Variants in MFHAS1 observed in about 807,000 individuals in gnomAD.
MFHAS1 encodes the protein malignant fibrous histiocytoma-amplified sequence 1.
Under a neutral mutation model 70.4 loss-of-function variants are expected in MFHAS1, and 50 were observed. That is an observed-to-expected ratio of 0.71 (90% CI 0.57 to 0.90). The LOEUF (loss-of-function observed/expected upper bound fraction) is 0.90, where lower values mean the gene tolerates loss of function less well. Among genes scored for constraint, MFHAS1 ranks in the 40% least tolerant of loss-of-function variants. The pLI, the probability that MFHAS1 is intolerant of heterozygous loss-of-function variation, is 0.00. For missense variants in MFHAS1, 1,795 were observed against 1,347.6 expected (o/e 1.33, Z -5.20); for synonymous variants, 952 against 620.0 (o/e 1.54, Z -7.96).
At chr8:8,837,862 A>G (rs532302216) in intron 1 of MFHAS1, among the ~76,000 whole-genome samples, 15 of 152,340 alleles carry the variant, frequency 9.8e-5, no homozygotes, top group Admixed American at 2.0e-4. Flanking sequence ...AGAAAACAGT[A>G]TTATGACTGC....
intron 1 of MFHAS1, among the ~76,000 whole-genome samples, chr8:8,876,431 G>C (rs576663761): frequency 1.3e-5 from 2 of 152,064 alleles, no homozygotes; most frequent in African/African-American, 4.8e-5. Flanking sequence ...ATGATGATAA[G>C]ATGCAAGAAA....
At chr8:8,883,021 T>C (rs943827416) in intron 1 of MFHAS1, among the ~76,000 whole-genome samples, 2 of 151,892 alleles carry the variant, frequency 1.3e-5, no homozygotes, top group African/African-American at 4.8e-5. Flanking sequence ...GGCATGGTGG[T>C]GCACCCCTGT....
intron 1 of MFHAS1, among the ~76,000 whole-genome samples, chr8:8,835,521 A>AAACAT (rs1350063985): frequency 6.6e-6 from 1 of 152,210 alleles, no homozygotes; most frequent in Non-Finnish European, 1.5e-5. Flanking sequence ...CACGATGAAG[A>AAACAT]TGTTTCTACA....
At chr8:8,835,848 T>C (rs955590341) in intron 1 of MFHAS1, among the ~76,000 whole-genome samples, 2 of 152,252 alleles carry the variant, frequency 1.3e-5, no homozygotes, top group African/African-American at 4.8e-5. Flanking sequence ...CATGGCCCGC[T>C]GCCTGTTCTT....
chr8:8,847,724 G>A (rs1175350831), intron 1 of MFHAS1, among the ~76,000 whole-genome samples: 2 of 152,206 alleles, frequency 1.3e-5, no homozygotes, highest in Admixed American at 1.3e-4. Flanking sequence ...TTCAGAAAAT[G>A]TGTATGAACT....
chr8:8,877,547 T>G (rs907250974), intron 1 of MFHAS1, among the ~76,000 whole-genome samples: 1 of 152,192 alleles, frequency 6.6e-6, no homozygotes, highest in Non-Finnish European at 1.5e-5. Flanking sequence ...TACAGAGGCA[T>G]GCGGCTCTCT....
chr8:8,794,007 A>G (rs1373926311), intron 2 of MFHAS1, among the ~76,000 whole-genome samples: 2 of 152,026 alleles, frequency 1.3e-5, no homozygotes, highest in Middle Eastern at 3.2e-3. Context: ...AGCCAACATG[A>G]TGAAACCCCG....
Position 8,890,296 on chromosome 8 carries a change from C to T in MFHAS1, c.2763G>A (p.Gly921=), listed in dbSNP as rs2116948540. The change falls in exon 1 of 3, where the codon GGG becomes GGA. Residue 921 remains glycine (G), a synonymous_variant. Coordinates refer to ENST00000276282, the MANE Select transcript of MFHAS1 (RefSeq NM_004225.3). ...DGKFQIFAYR[G]KVPVVVSYRP... ...TGTAACTCACAACCACAGGAACTTT[C>T]CCTCTATAGGCAAAGATCTGAAATT... 1 of 1,614,198 alleles carries T rather than the reference C, an allele frequency of 6.2e-7. No homozygotes were observed.
chr8:8,823,853 C>G (rs929128693), intron 1 of MFHAS1, among the ~76,000 whole-genome samples: 1 of 137,156 alleles, frequency 7.3e-6, no homozygotes, highest in African/African-American at 2.7e-5. Context: ...GTGCCTGTCT[C>G]CATGCGCTTC....
chr8:8,838,097 G>T (rs998191823), intron 1 of MFHAS1, among the ~76,000 whole-genome samples: 1 of 152,218 alleles, frequency 6.6e-6, no homozygotes. Context: ...ATGAAGTACT[G>T]ACCTGTGCAA....
Position 8,785,856 on chromosome 8 carries a change from C to A in MFHAS1, c.*166G>T. 1 of 459,656 alleles carries A rather than the reference C, an allele frequency of 2.2e-6. No homozygotes were observed. Among genetic ancestry groups the A allele is most frequent in the African/African-American group, 1.9e-5 (1 of 51,984 alleles). The allele number at this position is 459,656 out of a possible 1,614,324, so 28.5% of individuals were successfully genotyped here. On this transcript the variant is annotated 3_prime_UTR_variant, in exon 3 of 3. Transcript: ENST00000276282. Reference sequence around the variant, plus strand: ...CGTCCATGCTTCCCCCCACCACCCCCTCCCCACCTCTTCCCCAGTCGTCCA... The same window carrying A: ...CGTCCATGCTTCCCCCCACCACCCCATCCCCACCTCTTCCCCAGTCGTCCA...
intron 1 of MFHAS1, among the ~76,000 whole-genome samples, chr8:8,834,818 G>A (rs545525384): frequency 1.3e-5 from 2 of 152,170 alleles, no homozygotes; most frequent in Non-Finnish European, 2.9e-5. Context: ...TTCCTCAACT[G>A]TGCACGAAAC....
chr8:8,798,344 G>C (rs1201373273), intron 1 of MFHAS1, among the ~76,000 whole-genome samples: 1 of 152,108 alleles, frequency 6.6e-6, no homozygotes, highest in Non-Finnish European at 1.5e-5. Context: ...TGTTGTTTTG[G>C]AGACAGGCTC....
chr8:8,842,064 G>A (rs73190069), intron 1 of MFHAS1, among the ~76,000 whole-genome samples: 10,573 of 152,276 alleles, frequency 0.069, 487 homozygotes, highest in Middle Eastern at 0.11. Flanking sequence ...ACAAGGCTGC[G>A]CCTTTATAAT....
chr8:8,873,829 T>A (rs1809185157), intron 1 of MFHAS1, among the ~76,000 whole-genome samples: 1 of 152,240 alleles, frequency 6.6e-6, no homozygotes, highest in Non-Finnish European at 1.5e-5. Flanking sequence ...ATTGATTTCT[T>A]ACATGGACAG....
At chr8:8,845,444 G>A (rs776007043) in intron 1 of MFHAS1, among the ~76,000 whole-genome samples, 13 of 152,110 alleles carry the variant, frequency 8.5e-5, no homozygotes, top group African/African-American at 1.7e-4. Context: ...CTTATCTAGC[G>A]GCAGACCCAG....
intron 1 of MFHAS1, among the ~76,000 whole-genome samples, chr8:8,886,544 G>T (rs147506596): frequency 6.6e-6 from 1 of 152,228 alleles, no homozygotes; most frequent in Non-Finnish European, 1.5e-5. Context: ...CTACAGTAGG[G>T]CAGCTCAGGC....
chr8:8,857,922 A>G (rs1049370407), intron 1 of MFHAS1, among the ~76,000 whole-genome samples: 2 of 152,220 alleles, frequency 1.3e-5, no homozygotes, highest in African/African-American at 4.8e-5. Context: ...ACATTTTGCT[A>G]TCAGGAACCC....
chr8:8,852,285 G>T (rs1808275510), intron 1 of MFHAS1, among the ~76,000 whole-genome samples: 1 of 152,102 alleles, frequency 6.6e-6, no homozygotes, highest in Non-Finnish European at 1.5e-5. Context: ...ACCAGCCTGT[G>T]CAACATGGTG....
Sources: gnomAD v4.1 joint callset for allele counts (sites outside exome capture counted in the v4.1 genomes callset) on GRCh38, gnomAD v4.1.1 for gene constraint, MANE v1.5 for transcripts, NCBI Gene and HGNC (gene_info 2026-07-23, HGNC 2026-07-21) for gene names.